Variants in PYGB observed in about 807,000 individuals in gnomAD.
PYGB encodes the protein glycogen phosphorylase B.
In PYGB, 82 loss-of-function variants were observed where a neutral mutation model predicts 94.3. That is an observed-to-expected ratio of 0.87 (90% CI 0.73 to 1.04). The LOEUF is 1.04. PYGB is among the 50% of genes least tolerant of loss of function. PYGB has a pLI of 0.00. For missense variants in PYGB, 1,132 were observed against 1,158.2 expected, an observed-to-expected ratio of 0.98 and a Z score of 0.33; for synonymous variants, 488 against 479.1, an observed-to-expected ratio of 1.02 and a Z score of -0.24.
chr20:25,288,237 G>T, intron 14 of PYGB, 188 bp from the exon 15 acceptor site: 1 of 726,062 alleles, frequency 1.4e-6, no homozygotes, highest in South Asian at 1.5e-5. Context: ...TAAGTGGCAG[G>T]TTCCTGGTGG....
intron 3 of PYGB, among the ~76,000 whole-genome samples, chr20:25,271,164 C>G (rs552214706): frequency 6.0e-4 from 92 of 152,212 alleles, no homozygotes; most frequent in Admixed American, 2.4e-3. Context: ...TCATCCCCCC[C>G]CATCCTCCCA....
rs1294028570 is a variant in PYGB, at chr20:25,294,310, G to A, written c.2312+18G>A. The A allele has an allele frequency of 7.7e-7, 1 of 1,294,434 alleles. No individual in the cohort carries two copies. The highest frequency in any genetic ancestry group is 1.2e-5 in the South Asian group (1 of 86,082). 80.2% of individuals were successfully genotyped at this position (1,294,434 alleles called of 1,614,324 possible). Reference sequence around the variant, plus strand: ...CATGACAGGTGGGACCGACTTCCCTGGTTGGGTGGCTGGGAGGGAGGGAGG... The same window carrying A: ...CATGACAGGTGGGACCGACTTCCCTAGTTGGGTGGCTGGGAGGGAGGGAGG... On this transcript the variant is annotated intron_variant, in intron 18 of 19. Coordinates refer to ENST00000216962, the MANE Select transcript of PYGB (RefSeq NM_002862.4).
At chr20:25,274,823 T>G in intron 5 of PYGB, 100 bp downstream of exon 5, 1 of 1,489,610 alleles carries the variant, frequency 6.7e-7, no homozygotes, top group Non-Finnish European at 9.0e-7. Context: ...TTGGGGGGCT[T>G]GCTGCCTCCC....
Position 25,252,428 on chromosome 20 carries a change from C to T in PYGB, c.243+4007C>T, listed in dbSNP as rs142169011. 1.2e-4 allele frequency among the ~76,000 whole-genome samples: 18 copies of T among 152,312 alleles called. No homozygotes were observed. The East Asian group carries it at 3.5e-3, about 29-fold the overall frequency. ...CTTACAATTCAGTTCCGTTCTGATG[C>T]TGTCTACCTAGATGTAGCCTCGGAT... On this transcript the variant is annotated intron_variant, in intron 1 of 19. Coordinates refer to ENST00000216962, the MANE Select transcript of PYGB (RefSeq NM_002862.4).
At position 25,269,090 on chromosome 20, in the gene PYGB, T is replaced by C. The variant is rs532510763; in HGVS notation, c.346-39T>C. 6 of 1,490,916 alleles carry C rather than the reference T, an allele frequency of 4.0e-6. No individual in the cohort carries two copies. The African/African-American group carries it at 4.2e-5, about 10-fold the overall frequency. The allele number at this position is 1,490,916 out of a possible 1,614,324, so 92.4% of individuals were successfully genotyped here. A position where few individuals can be genotyped will look rare whatever the true frequency, so the allele number is the denominator to read the frequency against. ...CAGCCTGTCATTCAAGGGAAAATAT[T>C]GAGTAACATTAAAATGCTGCCTGTG... On this transcript the variant is annotated intron_variant, in intron 2 of 19. Transcript: ENST00000216962.
chr20:25,250,660 G>C (rs1304922365), intron 1 of PYGB, among the ~76,000 whole-genome samples: 3 of 152,152 alleles, frequency 2.0e-5, no homozygotes, highest in Non-Finnish European at 1.5e-5. Flanking sequence ...AATGAGAGGA[G>C]GTGTGCTCCC....
intron 15 of PYGB, chr20:25,289,759 T>G: frequency 2.0e-6 from 1 of 507,010 alleles, no homozygotes; most frequent in Non-Finnish European, 4.1e-6. Context: ...CACAGTAAAC[T>G]GCAGACACTC....
At chr20:25,278,178 A>T (rs1365618305) in intron 7 of PYGB, 141 bp from the exon 8 acceptor site, 1 of 934,104 alleles carries the variant, frequency 1.1e-6, no homozygotes, top group Non-Finnish European at 1.5e-6. Context: ...GAGGGCACAC[A>T]GGCAGGCCCC....
chr20:25,267,063 C>T (rs2088224720), intron 2 of PYGB, among the ~76,000 whole-genome samples: 1 of 152,152 alleles, frequency 6.6e-6, no homozygotes, highest in Admixed American at 6.5e-5. Flanking sequence ...TTATTCATAA[C>T]AGCCAAAAGT....
At chr20:25,284,442 G>A (rs1310894597) in intron 14 of PYGB, among the ~76,000 whole-genome samples, 191 bp downstream of exon 14, 1 of 152,210 alleles carries the variant, frequency 6.6e-6, no homozygotes, top group Non-Finnish European at 1.5e-5. Context: ...CAGGCCTCAC[G>A]TGAGCAGGTG....
At position 25,297,530 on chromosome 20, in the gene PYGB, C is replaced by G. The variant is rs1039244529; in HGVS notation, c.*1008C>G. The G allele has an allele frequency of 6.6e-6, 1 of 152,344 alleles. No homozygotes were observed. The highest frequency in any genetic ancestry group is 2.4e-5 in the African/African-American group (1 of 41,458). The allele number at this position is 152,344 out of a possible 1,614,324, so 9.4% of individuals were successfully genotyped here. ...CCACAGCCTCGTCTGGAAAAAGGAC[C>G]AGGGGTCCCGGAGGAACCCATTTGT... On this transcript the variant is annotated 3_prime_UTR_variant, in exon 20 of 20. Transcript: ENST00000216962.
In PYGB at chr20:25,248,349, G is replaced by T. The variant is rs375176645; in HGVS notation, c.171G>T (p.Ala57=). ...ATPRDYFFAL[A]HTVRDHLVGR... ...CCCGCGACTACTTCTTCGCGCTGGC[G>T]CACACGGTGCGCGACCACCTCGTGG... Residue 57 remains alanine (A), a synonymous_variant, in exon 1 of 20, where the codon GCG becomes GCT. Transcript: ENST00000216962. 8.7e-6 allele frequency: 14 copies of T among 1,601,130 alleles called. No homozygotes were observed. In the South Asian group the frequency reaches 1.0e-4, roughly 12 times the overall value.
chr20:25,283,557 C>T (rs750768527), intron 13 of PYGB, among the ~76,000 whole-genome samples: 16 of 152,216 alleles, frequency 1.1e-4, no homozygotes, highest in Non-Finnish European at 2.4e-4. Flanking sequence ...GACCCTCTGC[C>T]ACAGGTCAGT....
chr20:25,280,147 GC>G, intron 9 of PYGB, 118 bp from the exon 10 acceptor site: 1 of 1,255,448 alleles, frequency 8.0e-7, no homozygotes, highest in Non-Finnish European at 1.1e-6. Flanking sequence ...GGGGACGGTG[GC>G]CCTTCCTGGG....
intron 4 of PYGB, among the ~76,000 whole-genome samples, chr20:25,272,874 C>G (rs556987393): frequency 6.6e-6 from 1 of 152,186 alleles, no homozygotes; most frequent in East Asian, 1.9e-4. Context: ...GGCTCCCCTT[C>G]GCCTAGCTGG....
intron 11 of PYGB, among the ~76,000 whole-genome samples, 159 bp downstream of exon 11, chr20:25,281,271 G>A (rs1371519417): frequency 2.0e-5 from 3 of 152,234 alleles, no homozygotes; most frequent in African/African-American, 7.2e-5. Context: ...AGAACACCCT[G>A]TCAGGGTCAC....
intron 14 of PYGB, among the ~76,000 whole-genome samples, chr20:25,286,515 G>A (rs539989333): frequency 1.2e-3 from 186 of 152,324 alleles, no homozygotes; most frequent in African/African-American, 4.4e-3. Flanking sequence ...GGCCTGTGGC[G>A]GGGCTGGGTG....
intron 17 of PYGB, among the ~76,000 whole-genome samples, chr20:25,292,822 G>A (rs934632191): frequency 9.2e-5 from 14 of 152,120 alleles, no homozygotes; most frequent in East Asian, 3.9e-4. Context: ...AGGCCCACGT[G>A]GGGGTGCTGG....
rs200651537 is a variant in PYGB, at chr20:25,292,606, C to T, written c.2170C>T (p.Arg724Trp). 2.0e-5 allele frequency: 32 copies of T among 1,611,116 alleles called. No homozygotes were observed. The highest frequency in any genetic ancestry group is 1.6e-4 in the Middle Eastern group (1 of 6,082). ...LRVEDVEALD[R>W]KGYNAREYYD... is the part of the protein sequence containing the mutation. The stretch of plus-strand genomic sequence containing the variant: ...GGTGGAGGATGTCGAGGCCTTGGAC[C>T]GGAAAGGGTGCGAGCCTGTGCCCCT... Residue 724 changes from arginine (R) to tryptophan (W), a missense_variant, in exon 17 of 20, where the codon CGG becomes TGG. By Grantham distance (101) the Arg-to-Trp change is moderately radical (BLOSUM62 -3). Transcript: ENST00000216962.
Sources: allele counts gnomAD v4.1 joint callset (sites outside exome capture counted in the v4.1 genomes callset), GRCh38; gene constraint gnomAD v4.1.1; transcripts MANE v1.5; gene names NCBI Gene and HGNC (gene_info 2026-07-23, HGNC 2026-07-21).